The following ASPM variants were observed in gnomAD, a reference collection of about 807,000 sequenced individuals.
The protein encoded by ASPM is assembly factor for spindle microtubules.
Under a neutral mutation model 366.4 loss-of-function variants are expected in ASPM, and 256 were observed. The observed-to-expected ratio is 0.70, with a 90% CI of 0.63 to 0.77. ASPM has a LOEUF of 0.77. Among genes scored for constraint, ASPM ranks in the 30% least tolerant of loss-of-function variants. The pLI is 0.00. For missense variants in ASPM, 4,146 were observed against 4,090.4 expected, an observed-to-expected ratio of 1.01 and a Z score of -0.37; for synonymous variants, 1,414 against 1,342.9, an observed-to-expected ratio of 1.05 and a Z score of -1.16.
rs1658658343 is a variant in ASPM at position 197,143,253 on chromosome 1, T to C, written c.999A>G (p.Glu333=). 1 of 1,612,458 alleles carries C rather than the reference T, an allele frequency of 6.2e-7. No individual in the cohort carries two copies. Among genetic ancestry groups the C allele is most frequent in the South Asian group, 1.1e-5 (1 of 91,018 alleles). ...TATCTGATGAAAGACATGTTACTAATTCTAGTTCATTATTAGCTCCATGAC... is the reference window on the plus strand; with the variant it reads ...TATCTGATGAAAGACATGTTACTAACTCTAGTTCATTATTAGCTCCATGAC... The part of the protein sequence containing the change: ...NNSHGANNEL[E]LVTCLSSDMF... The change falls in exon 3 of 28, where the codon GAA becomes GAG. Residue 333 remains glutamate, a synonymous_variant. Transcript: ENST00000367409.
intron 19 of ASPM, among the ~76,000 whole-genome samples, chr1:197,095,151 C>T (rs973747620): frequency 3.3e-5 from 5 of 151,700 alleles, no homozygotes; most frequent in African/African-American, 1.2e-4. Flanking sequence ...TTATTGTTAA[C>T]TATAGTTGCC....
intron 17 of ASPM, among the ~76,000 whole-genome samples, chr1:197,116,745 T>A (rs1205455127): frequency 6.6e-6 from 1 of 152,058 alleles, no homozygotes; most frequent in Non-Finnish European, 1.5e-5. Context: ...AATAAAAAAA[T>A]TAAACCACGG....
chr1:197,126,123 C>T (rs1411820045), intron 10 of ASPM, among the ~76,000 whole-genome samples: 1 of 152,092 alleles, frequency 6.6e-6, no homozygotes, highest in Non-Finnish European at 1.5e-5. Context: ...GCTAAATCCT[C>T]AGTAACTCCT....
rs765563412 is a variant in ASPM, at chr1:197,084,396, A to C, written c.10362T>G (p.Asp3454Glu). The change falls in exon 28 of 28, where the codon GAT (aspartate) becomes GAG (glutamate). Residue 3454 changes from aspartate (D) to glutamate (E), a missense_variant. Around this residue, in one of 3 missense-constraint regions of ASPM, gnomAD observed 3,624 missense variants for 3,591.7 expected, o/e 1.01. Coordinates refer to ENST00000367409, the MANE Select transcript of ASPM (RefSeq NM_018136.5). The stretch of plus-strand genomic sequence containing the variant: ...GGGGATTTGTGATTTCTTCCATGTT[A>C]TCTCTTCTCAAAACCCAATCTGGCT... ...RLKPDWVLRR[D>E]NMEEITNPLQ... 1.9e-6 allele frequency: 3 copies of C among 1,611,106 alleles called. No individual in the cohort carries two copies. The highest frequency in any genetic ancestry group is 2.2e-5 in the South Asian group (2 of 91,026).
At chr1:197,105,336 G>T in intron 17 of ASPM, 151 bp from the exon 18 acceptor site, 1 of 714,424 alleles carries the variant, frequency 1.4e-6, no homozygotes, top group Non-Finnish European at 2.3e-6. Context: ...TGTCTCTTTT[G>T]TTTTTAGTTT....
intron 27 of ASPM, among the ~76,000 whole-genome samples, chr1:197,085,403 T>C (rs1200120743): frequency 2.0e-5 from 3 of 152,160 alleles, no homozygotes; most frequent in Non-Finnish European, 4.4e-5. Context: ...CTCAAACTTA[T>C]TGAGAAAATA....
intron 12 of ASPM, 46 bp from the exon 13 acceptor site, chr1:197,124,377 G>T: frequency 1.5e-6 from 2 of 1,317,588 alleles, no homozygotes; most frequent in Non-Finnish European, 2.2e-6. Context: ...ATTTTCCATA[G>T]ATTATTTTTA....
intron 18 of ASPM, among the ~76,000 whole-genome samples, chr1:197,097,290 C>T (rs1436601020): frequency 6.6e-6 from 1 of 151,700 alleles, no homozygotes; most frequent in African/African-American, 2.4e-5. Flanking sequence ...ACTTGAATAA[C>T]TGTCTTTGTT....
At chr1:197,100,329 T>C in intron 18 of ASPM, 102 bp downstream of exon 18, 2 of 824,176 alleles carry the variant, frequency 2.4e-6, no homozygotes, top group Non-Finnish European at 3.7e-6. Flanking sequence ...CTCAACTAAG[T>C]ACTATTCTTT....
intron 17 of ASPM, among the ~76,000 whole-genome samples, chr1:197,116,508 C>T (rs956101617): frequency 5.9e-5 from 9 of 152,134 alleles, no homozygotes; most frequent in African/African-American, 2.2e-4. Context: ...CACAAACCTT[C>T]AGTTCGTAAA....
rs1657171728 is a variant in ASPM at position 197,101,387 on chromosome 1, G to C, written c.7864C>G (p.Gln2622Glu). Residue 2622 changes from glutamine to glutamate, a missense_variant, in exon 18 of 28, where the codon CAG becomes GAG. By Grantham distance (29) the Gln-to-Glu change is conservative (BLOSUM62 2). Coordinates refer to ENST00000367409, the MANE Select transcript of ASPM (RefSeq NM_018136.5). The stretch of plus-strand genomic sequence containing the variant: ...ATAATGGCAGCCTGGTGCTGTTCCT[G>C]AATCTGTTTTTTTATGTTCATGTCC... The part of the protein sequence containing the change: ...FQDMNIKKQI[Q>E]EQHQAAIIIQ... 1.9e-6 allele frequency: 3 copies of C among 1,608,778 alleles called. No individual in the cohort carries two copies. Among genetic ancestry groups the C allele is most frequent in the South Asian group, 1.1e-5 (1 of 90,992 alleles).
chr1:197,134,864 G>C (rs896727176), intron 5 of ASPM, among the ~76,000 whole-genome samples: 10 of 152,214 alleles, frequency 6.6e-5, no homozygotes, highest in Middle Eastern at 3.2e-3. Flanking sequence ...TGCATTGACT[G>C]ATGAGAGAGA....
At chr1:197,132,149 T>C in intron 7 of ASPM, 136 bp downstream of exon 7, 2 of 653,802 alleles carry the variant, frequency 3.1e-6, no homozygotes, top group Non-Finnish European at 5.2e-6. Flanking sequence ...TTACATTTTA[T>C]ACTAAAAGAT....
At chr1:197,139,256 A>G in intron 4 of ASPM, 1 of 939,704 alleles carries the variant, frequency 1.1e-6, no homozygotes, top group Non-Finnish European at 1.7e-6. Context: ...CCATCCTTTT[A>G]CCAACTTTCA....
Position 197,135,202 on chromosome 1 carries a change from CAT to C in ASPM, c.2065_2066del (p.Met689ValfsTer3). The C allele has an allele frequency of 6.2e-7, 1 of 1,613,994 alleles. No homozygotes were observed. Among genetic ancestry groups the C allele is most frequent in the Non-Finnish European group, 8.5e-7 (1 of 1,179,920 alleles). On this transcript the variant is annotated frameshift_variant, in exon 5 of 28. Transcript: ENST00000367409. LOFTEE classifies it high-confidence loss of function. ...RHPMPFAAKN[M>X]FYDERWKEKQ... ...TTTCCTTCCAGCGTTCATCATAAAA[CAT>C]GTTTTTTGCAGCAAATGGCATCGGG...
At chr1:197,136,033 A>G (rs1017201913) in intron 4 of ASPM, among the ~76,000 whole-genome samples, 9 of 152,212 alleles carry the variant, frequency 5.9e-5, no homozygotes, top group African/African-American at 2.2e-4. Flanking sequence ...GGATCTGGAT[A>G]ACATTAGCAG....
chr1:197,118,346 G>C (rs1438822133), intron 16 of ASPM, among the ~76,000 whole-genome samples: 1 of 152,014 alleles, frequency 6.6e-6, no homozygotes, highest in African/African-American at 2.4e-5. Context: ...TTAGGAAAGG[G>C]GAGGATTGTA....
At position 197,096,176 on chromosome 1, in the gene ASPM, A is replaced by G. The variant is rs370550019; in HGVS notation, c.8821-12T>C. 64 of 1,576,782 alleles carry G rather than the reference A, an allele frequency of 4.1e-5. No individual in the cohort carries two copies. In the African/African-American group the frequency reaches 7.3e-4, roughly 18 times the overall value. ...CTCCTCCACATAGCCTATTAAATAC[A>G]TAAATATAACAAGTATGCAATGAGT... On this transcript the variant is annotated splice_polypyrimidine_tract_variant and intron_variant, in intron 18 of 27. Transcript: ENST00000367409.
chr1:197,096,503 G>A (rs550273197), intron 18 of ASPM, among the ~76,000 whole-genome samples: 1 of 151,670 alleles, frequency 6.6e-6, no homozygotes, highest in Non-Finnish European at 1.5e-5. Context: ...CAATCCATTT[G>A]GAAGAAAAGA....
Sources: allele counts gnomAD v4.1 joint callset (sites outside exome capture counted in the v4.1 genomes callset), GRCh38; gene constraint gnomAD v4.1.1; regional missense constraint gnomAD v4.1.1; transcripts MANE v1.5; gene names NCBI Gene and HGNC (gene_info 2026-07-23, HGNC 2026-07-21).